Variants in IMMP2L observed in about 807,000 individuals in gnomAD.
The protein encoded by IMMP2L is inner mitochondrial membrane peptidase subunit 2, also known as mitochondrial inner membrane protease subunit 2.
In IMMP2L, 18 loss-of-function variants were observed where a neutral mutation model predicts 19.3. The observed-to-expected ratio is 0.93, with a 90% confidence interval of 0.64 to 1.38. The LOEUF (loss-of-function observed/expected upper bound fraction) is 1.38. IMMP2L is among the 40% of genes most tolerant of loss of function. IMMP2L has a pLI of 0.00. For synonymous variants in IMMP2L, 76 were observed against 73.0 expected, an observed-to-expected ratio of 1.04 and a Z score of -0.21; for missense variants, 233 against 218.2, an observed-to-expected ratio of 1.07 and a Z score of -0.43.
intron 3 of IMMP2L, among the ~76,000 whole-genome samples, chr7:111,315,006 G>A (rs906679409): frequency 6.6e-6 from 1 of 152,066 alleles, no homozygotes; most frequent in Non-Finnish European, 1.5e-5. Context: ...AGTAAATCGG[G>A]AGGAAAATAT....
At chr7:111,419,228 A>G (rs2131584553) in intron 3 of IMMP2L, among the ~76,000 whole-genome samples, 1 of 152,024 alleles carries the variant, frequency 6.6e-6, no homozygotes, top group Non-Finnish European at 1.5e-5. Flanking sequence ...TTAATTAAAA[A>G]TGGGAAGTTT....
chr7:111,496,923 T>TAGATAGATAGAC (rs1843649455), intron 2 of IMMP2L, among the ~76,000 whole-genome samples: 1 of 151,062 alleles, frequency 6.6e-6, no homozygotes, highest in Admixed American at 6.6e-5. Context: ...GATAGATAGA[T>TAGATAGATAGAC]AGACAGACAG....
At chr7:111,415,169 C>T (rs1453960346) in intron 3 of IMMP2L, among the ~76,000 whole-genome samples, 1 of 151,664 alleles carries the variant, frequency 6.6e-6, no homozygotes, top group Non-Finnish European at 1.5e-5. Flanking sequence ...AAGAAGGGGG[C>T]CTGTATAGGA....
chr7:111,041,824 T>G (rs188831781), intron 3 of IMMP2L, among the ~76,000 whole-genome samples: 6 of 152,208 alleles, frequency 3.9e-5, no homozygotes, highest in Admixed American at 3.9e-4. Context: ...CATAGGGATA[T>G]GAGGCAATCT....
At chr7:111,134,295 T>C (rs1802126520) in intron 3 of IMMP2L, among the ~76,000 whole-genome samples, 1 of 152,020 alleles carries the variant, frequency 6.6e-6, no homozygotes, top group Non-Finnish European at 1.5e-5. Context: ...CTTCAGATAA[T>C]ATTTTTAAAA....
At chr7:111,201,019 T>C (rs1353053858) in intron 3 of IMMP2L, among the ~76,000 whole-genome samples, 1 of 152,170 alleles carries the variant, frequency 6.6e-6, no homozygotes, top group Non-Finnish European at 1.5e-5. Flanking sequence ...AGATTAAGTC[T>C]TCTATAAAGA....
At chr7:111,368,911 T>C (rs1830031453) in intron 3 of IMMP2L, among the ~76,000 whole-genome samples, 1 of 151,948 alleles carries the variant, frequency 6.6e-6, no homozygotes, top group Admixed American at 6.6e-5. Flanking sequence ...TGTGAATTCA[T>C]TCTGGTCCTC....
At chr7:111,119,484 C>T (rs1586400732) in intron 3 of IMMP2L, among the ~76,000 whole-genome samples, 1 of 152,252 alleles carries the variant, frequency 6.6e-6, no homozygotes, top group East Asian at 1.9e-4. Flanking sequence ...AAGAATAAAG[C>T]ACAGATATAA....
At chr7:111,005,059 T>C (rs2129561969) in intron 3 of IMMP2L, among the ~76,000 whole-genome samples, 1 of 152,302 alleles carries the variant, frequency 6.6e-6, no homozygotes, top group African/African-American at 2.4e-5. Flanking sequence ...CAGTCACTTT[T>C]ATCCTCAGAA....
rs370864037 is a variant in IMMP2L at position 111,128,718 on chromosome 7, G to A, written c.240-165153C>T. 2.1e-3 allele frequency among the ~76,000 whole-genome samples: 324 copies of A among 152,178 alleles called. 2 individuals carry two copies. Among genetic ancestry groups the A allele is most frequent in the African/African-American group, 7.4e-3 (307 of 41,526 alleles). On this transcript the variant is annotated intron_variant, in intron 3 of 5. Transcript: ENST00000405709. ...TGAATGCCTGTAGTCCCAGCTACTC[G>A]GGGGCCTGAGGCAGGAGAATCGCTT...
intron 1 of IMMP2L, among the ~76,000 whole-genome samples, chr7:111,548,261 T>C (rs1849122808): frequency 6.6e-6 from 1 of 152,164 alleles, no homozygotes; most frequent in Non-Finnish European, 1.5e-5. Flanking sequence ...AAATAAAGTT[T>C]GTTTGACTGC....
intron 3 of IMMP2L, among the ~76,000 whole-genome samples, chr7:111,361,824 T>C (rs1460867401): frequency 6.6e-6 from 1 of 152,148 alleles, no homozygotes; most frequent in East Asian, 1.9e-4. Context: ...CAGTAGGTAT[T>C]ATCTCAATTC....
chr7:110,755,023 A>G (rs1487236260), intron 5 of IMMP2L, among the ~76,000 whole-genome samples: 1 of 152,024 alleles, frequency 6.6e-6, no homozygotes, highest in Non-Finnish European at 1.5e-5. Flanking sequence ...AGAGGTTATT[A>G]TTTGATGCAG....
In IMMP2L at chr7:111,328,924, CTAACCATTAA is replaced by C. The variant is rs570319902; in HGVS notation, c.239+158304_239+158313del. ...AGTCTCACAAAAAAACATTGGGACC[CTAACCATTAA>C]TAACACAGAGAAAAAAAAAGCCATT... is the stretch of plus-strand genomic sequence containing the variant. On this transcript the variant is annotated intron_variant, in intron 3 of 5. Transcript: ENST00000405709. Among the ~76,000 whole-genome samples the C allele has an allele frequency of 3.9e-3, 587 of 151,646 alleles. 13 individuals carry two copies. The highest frequency in any genetic ancestry group is 0.036 in the Admixed American group (540 of 15,154).
At chr7:111,214,883 A>G (rs756383463) in intron 3 of IMMP2L, among the ~76,000 whole-genome samples, 10 of 151,984 alleles carry the variant, frequency 6.6e-5, no homozygotes, top group Non-Finnish European at 1.3e-4. Context: ...TTTGACACAT[A>G]CCAGCGCAGC....
At chr7:110,687,072 C>T (rs1426131202) in intron 5 of IMMP2L, among the ~76,000 whole-genome samples, 1 of 152,064 alleles carries the variant, frequency 6.6e-6, no homozygotes, top group South Asian at 2.1e-4. Flanking sequence ...GAATTCAGTG[C>T]CCATCAAATC....
chr7:110,739,288 C>T (rs1796840989), intron 5 of IMMP2L, among the ~76,000 whole-genome samples: 1 of 152,102 alleles, frequency 6.6e-6, no homozygotes, highest in Non-Finnish European at 1.5e-5. Context: ...TATAAGAATT[C>T]ACCAACCAAG....
chr7:110,978,504 G>A (rs917444067), intron 3 of IMMP2L, among the ~76,000 whole-genome samples: 5 of 151,822 alleles, frequency 3.3e-5, no homozygotes. Flanking sequence ...TATTTGCAAT[G>A]TGGTTTCACT....
intron 5 of IMMP2L, among the ~76,000 whole-genome samples, chr7:110,880,424 A>G (rs1809524741): frequency 6.6e-6 from 1 of 152,132 alleles, no homozygotes; most frequent in Non-Finnish European, 1.5e-5. Flanking sequence ...TTATTTACGT[A>G]GTTTGGTGTT....
Sources: gnomAD v4.1 joint callset for allele counts (sites outside exome capture counted in the v4.1 genomes callset) on GRCh38, gnomAD v4.1.1 for gene constraint, MANE v1.5 for transcripts, NCBI Gene and HGNC (gene_info 2026-07-23, HGNC 2026-07-21) for gene names.